Variants in RNF144B observed in about 807,000 individuals in gnomAD.
RNF144B encodes ring finger protein 144B, also known as E3 ubiquitin-protein ligase RNF144B.
In RNF144B, 25 loss-of-function variants were observed where a neutral mutation model predicts 40.2. That is an observed-to-expected ratio of 0.62 (90% CI 0.45 to 0.87). The LOEUF (loss-of-function observed/expected upper bound fraction) is 0.87, where lower values mean the gene tolerates loss of function less well. RNF144B is among the 40% of genes least tolerant of loss of function. RNF144B has a pLI of 0.00. For missense variants in RNF144B, 365 were observed against 373.7 expected (o/e 0.98, Z 0.19); for synonymous variants, 145 against 136.3 (o/e 1.06, Z -0.44).
chr6:18,427,563 T>C lies in RNF144B; in HGVS notation c.166-18T>C. 6.3e-7 allele frequency: 1 copy of C among 1,594,864 alleles called. No homozygotes were observed. The highest frequency in any genetic ancestry group is 8.6e-7 in the Non-Finnish European group (1 of 1,163,726). Reference sequence around the variant, plus strand: ...CTGTAATGGAATGGGCAATTGTCTTTTTTTTCTTAACTTCCAGTGCCTGAA... The same window carrying C: ...CTGTAATGGAATGGGCAATTGTCTTCTTTTTCTTAACTTCCAGTGCCTGAA... On this transcript the variant is annotated intron_variant, in intron 2 of 7. Coordinates refer to ENST00000259939, the MANE Select transcript of RNF144B (RefSeq NM_182757.4).
At chr6:18,404,655 G>T (rs1057070612) in intron 2 of RNF144B, among the ~76,000 whole-genome samples, 4 of 152,148 alleles carry the variant, frequency 2.6e-5, no homozygotes, top group Admixed American at 2.0e-4. Flanking sequence ...TTTGTTCAAA[G>T]TGTGGCTTTG....
rs1758532124 is a variant in RNF144B, at chr6:18,425,577, C to G, written c.166-2004C>G. On this transcript the variant is annotated intron_variant, in intron 2 of 7. Transcript: ENST00000259939. The surrounding 1 kb of genome is among the most constrained non-coding windows in gnomAD (Gnocchi z 4.2). ...CTGCTGCTGGATACCATGTTTGGCA[C>G]AGTAAATCCTAGAGCAAGTGATTTT... is the stretch of plus-strand genomic sequence containing the variant. Among the ~76,000 whole-genome samples the G allele has an allele frequency of 6.6e-6, 1 of 152,134 alleles. No homozygotes were observed. Among genetic ancestry groups the G allele is most frequent in the South Asian group, 2.1e-4 (1 of 4,828 alleles).
Position 18,442,721 on chromosome 6 carries a change from C to G in RNF144B, c.331+2977C>G, listed in dbSNP as rs1758991455. Among the ~76,000 whole-genome samples the G allele has an allele frequency of 6.6e-6, 1 of 152,132 alleles. No homozygotes were observed. Among genetic ancestry groups the G allele is most frequent in the African/African-American group, 2.4e-5 (1 of 41,412 alleles). Reference sequence around the variant, plus strand: ...AGTCCTTATTCCTCCTCCCTGAAACCCCTAGTAACCTCTAATCCACTTTCT... The same window carrying G: ...AGTCCTTATTCCTCCTCCCTGAAACGCCTAGTAACCTCTAATCCACTTTCT... On this transcript the variant is annotated intron_variant, in intron 4 of 7. Coordinates refer to ENST00000259939, the MANE Select transcript of RNF144B (RefSeq NM_182757.4). This position sits in a 1 kb window ranked among gnomAD's most constrained non-coding sequence, Gnocchi z 4.3.
rs150552088 is a variant in RNF144B, at chr6:18,457,333, G to A, written c.510G>A (p.Gln170=). The A allele has an allele frequency of 8.1e-6, 13 of 1,613,958 alleles. No homozygotes were observed. The highest frequency in any genetic ancestry group is 4.0e-5 in the African/African-American group (3 of 74,902). ...WHAEVSCRDS[Q]PIVLPTEHRA... ...CAGAGGTCTCCTGTAGAGACAGTCAGCCTATTGTCCTGCCAACAGAGCACC... is the reference window on the plus strand; with the variant it reads ...CAGAGGTCTCCTGTAGAGACAGTCAACCTATTGTCCTGCCAACAGAGCACC... The change falls in exon 5 of 8, where the codon CAG becomes CAA. Residue 170 remains glutamine, a synonymous_variant. Coordinates refer to ENST00000259939, the MANE Select transcript of RNF144B (RefSeq NM_182757.4). The surrounding 1 kb of genome is among the most constrained non-coding windows in gnomAD (Gnocchi z 5.1).
chr6:18,454,531 T>C (rs1016026875), intron 4 of RNF144B, among the ~76,000 whole-genome samples: 1 of 152,234 alleles, frequency 6.6e-6, no homozygotes, highest in African/African-American at 2.4e-5. Context: ...TAGAAAGCTG[T>C]AAAGTTTTCC....
In RNF144B at chr6:18,444,136, T is replaced by C. The variant is rs1759026813; in HGVS notation, c.331+4392T>C. 6.6e-6 allele frequency among the ~76,000 whole-genome samples: 1 copy of C among 152,258 alleles called. No homozygotes were observed. Among genetic ancestry groups the C allele is most frequent in the African/African-American group, 2.4e-5 (1 of 41,478 alleles). The stretch of plus-strand genomic sequence containing the variant: ...ACGTATTTGCTCAGCTTGTCCTTTA[T>C]GTCTTTAAGTCTGACGGAAAATATT... On this transcript the variant is annotated intron_variant, in intron 4 of 7. Transcript: ENST00000259939. The surrounding 1 kb of genome is among the most constrained non-coding windows in gnomAD (Gnocchi z 4.3).
rs919574348 is a variant in RNF144B, at chr6:18,450,161, G to A, written c.332-6994G>A. Among the ~76,000 whole-genome samples, 1 of 152,108 alleles carries A rather than the reference G, an allele frequency of 6.6e-6. No homozygotes were observed. Among genetic ancestry groups the A allele is most frequent in the Admixed American group, 6.5e-5 (1 of 15,274 alleles). ...GCAAATTCTGCACTTTCCCAGACTT[G>A]TCTGTGCTGGATGCAGGTTTTATAT... On this transcript the variant is annotated intron_variant, in intron 4 of 7. Transcript: ENST00000259939. This position sits in a 1 kb window ranked among gnomAD's most constrained non-coding sequence, Gnocchi z 4.7.
intron 2 of RNF144B, among the ~76,000 whole-genome samples, chr6:18,403,617 C>G (rs983430110): frequency 1.3e-5 from 2 of 152,188 alleles, no homozygotes; most frequent in Non-Finnish European, 2.9e-5. Context: ...GCCGTTCTTT[C>G]CCTTGGGGCC....
intron 1 of RNF144B, chr6:18,396,617 CG>C (rs1164809237): frequency 2.0e-6 from 2 of 984,994 alleles, no homozygotes; most frequent in African/African-American, 3.5e-5. Flanking sequence ...TTACTACCTA[CG>C]TTTCTTCTTG....
chr6:18,453,894 A>G (rs1759271097), intron 4 of RNF144B, among the ~76,000 whole-genome samples: 1 of 152,204 alleles, frequency 6.6e-6, no homozygotes, highest in Non-Finnish European at 1.5e-5. Flanking sequence ...TTTCAGCTGC[A>G]AGGAACAGAA....
intron 1 of RNF144B, among the ~76,000 whole-genome samples, chr6:18,394,435 TAA>T (rs1182091162): frequency 6.6e-6 from 1 of 152,036 alleles, no homozygotes; most frequent in Non-Finnish European, 1.5e-5. Flanking sequence ...TCGTCTCTAC[TAA>T]AAATACAAAA....
intron 3 of RNF144B, among the ~76,000 whole-genome samples, chr6:18,431,114 C>T (rs1468220389): frequency 3.3e-5 from 5 of 152,058 alleles, no homozygotes; most frequent in Admixed American, 2.0e-4. Context: ...TAGTGGTGGG[C>T]ACCTGTAATC....
At chr6:18,391,441 C>A (rs552646958) in intron 1 of RNF144B, among the ~76,000 whole-genome samples, 3 of 152,184 alleles carry the variant, frequency 2.0e-5, no homozygotes, top group Non-Finnish European at 4.4e-5. Flanking sequence ...TATCATTGAG[C>A]TGTTATTCTC....
At position 18,418,667 on chromosome 6, in the gene RNF144B, T is replaced by A. The variant is rs2113486697; in HGVS notation, c.166-8914T>A. The stretch of plus-strand genomic sequence containing the variant: ...ATCAAATTTGGTGATAGTTATACAC[T>A]GTGAATATACTAAAAATACTGAATT... On this transcript the variant is annotated intron_variant, in intron 2 of 7. Transcript: ENST00000259939. The surrounding 1 kb of genome is among the most constrained non-coding windows in gnomAD (Gnocchi z 5.2). Among the ~76,000 whole-genome samples, 1 of 152,280 alleles carries A rather than the reference T, an allele frequency of 6.6e-6. No individual in the cohort carries two copies. Among genetic ancestry groups the A allele is most frequent in the South Asian group, 2.1e-4 (1 of 4,830 alleles).
In RNF144B at chr6:18,457,131, A is replaced by G; in HGVS notation, c.332-24A>G. ...TCAAACATGAATCGGGCAGACCATC[A>G]CATTTTCTTTCTTTACACTTTAGAA... On this transcript the variant is annotated intron_variant, in intron 4 of 7. Coordinates refer to ENST00000259939, the MANE Select transcript of RNF144B (RefSeq NM_182757.4). This position sits in a 1 kb window ranked among gnomAD's most constrained non-coding sequence, Gnocchi z 5.1. 1 of 1,554,198 alleles carries G rather than the reference A, an allele frequency of 6.4e-7. No individual in the cohort carries two copies. Among genetic ancestry groups the G allele is most frequent in the Non-Finnish European group, 8.9e-7 (1 of 1,126,612 alleles).
At position 18,464,046 on chromosome 6, in the gene RNF144B, T is replaced by G. The variant is rs1759524202; in HGVS notation, c.771+666T>G. Among the ~76,000 whole-genome samples, 1 of 152,102 alleles carries G rather than the reference T, an allele frequency of 6.6e-6. No homozygotes were observed. Among genetic ancestry groups the G allele is most frequent in the Non-Finnish European group, 1.5e-5 (1 of 68,024 alleles). On this transcript the variant is annotated intron_variant, in intron 7 of 7. Coordinates refer to ENST00000259939, the MANE Select transcript of RNF144B (RefSeq NM_182757.4). This position sits in a 1 kb window ranked among gnomAD's most constrained non-coding sequence, Gnocchi z 6.1. Reference sequence around the variant, plus strand: ...GGGATTATTACAATTCAAGATGAGATTTGGGTGGGGACACAGCCAAACCAT... The same window carrying G: ...GGGATTATTACAATTCAAGATGAGAGTTGGGTGGGGACACAGCCAAACCAT...
At chr6:18,421,313 CACAT>C (rs1389264343) in intron 2 of RNF144B, among the ~76,000 whole-genome samples, 150 of 133,344 alleles carry the variant, frequency 1.1e-3, no homozygotes, top group Middle Eastern at 3.8e-3. Flanking sequence ...CACACACACA[CACAT>C]ATATATAAAA....
Position 18,434,329 on chromosome 6 carries a change from A to C in RNF144B, c.271-5355A>C, listed in dbSNP as rs1255121815. Among the ~76,000 whole-genome samples, 1 of 152,110 alleles carries C rather than the reference A, an allele frequency of 6.6e-6. No individual in the cohort carries two copies. The highest frequency in any genetic ancestry group is 1.5e-5 in the Non-Finnish European group (1 of 68,010). On this transcript the variant is annotated intron_variant, in intron 3 of 7. Transcript: ENST00000259939. This position sits in a 1 kb window ranked among gnomAD's most constrained non-coding sequence, Gnocchi z 4.1. ...AATACTTTTGTGGTGAGCAGGCTTCACTTTCTGCCTCCCTTTTTTGCTTTG... is the reference window on the plus strand; with the variant it reads ...AATACTTTTGTGGTGAGCAGGCTTCCCTTTCTGCCTCCCTTTTTTGCTTTG...
At chr6:18,397,383 A>G (rs938462236) in intron 1 of RNF144B, among the ~76,000 whole-genome samples, 6 of 152,164 alleles carry the variant, frequency 3.9e-5, no homozygotes, top group African/African-American at 1.2e-4. Context: ...TGTATTTGCA[A>G]TTATTTCTAT....
Sources: gnomAD v4.1 joint callset for allele counts (sites outside exome capture counted in the v4.1 genomes callset) on GRCh38, gnomAD v4.1.1 for gene constraint, Gnocchi (gnomAD v3.1) non-coding constraint, MANE v1.5 for transcripts, NCBI Gene and HGNC (gene_info 2026-07-23, HGNC 2026-07-21) for gene names.